RTTN: variants seen among roughly 807,000 people sequenced by gnomAD.
RTTN encodes the protein rotatin.
In RTTN, 182 loss-of-function variants were observed where a neutral mutation model predicts 269.2. That is an observed-to-expected ratio of 0.68 (90% CI 0.60 to 0.76). The LOEUF is 0.76. Among genes scored for constraint, RTTN ranks in the 30% least tolerant of loss-of-function variants. The probability of loss-of-function intolerance (pLI) is 0.00; values close to 1 mark genes in which losing one functional copy is unlikely to be tolerated. For missense variants in RTTN, 2,545 were observed against 2,608.6 expected, an observed-to-expected ratio of 0.98 and a Z score of 0.53; for synonymous variants, 1,006 against 963.5, an observed-to-expected ratio of 1.04 and a Z score of -0.82.
rs1415606278 is a variant in RTTN at position 70,188,126 on chromosome 18, G to C, written c.1287C>G (p.Ser429Arg). ...TTCTTACCATATCTATACCAAAAAG[G>C]CTGCTGTCATCCCAGATATCTGTTG... Reference protein sequence around the residue: ...AISTDIWDDSSLFGIDMKEKL... With the variant: ...AISTDIWDDSRLFGIDMKEKL... Residue 429 changes from serine to arginine, a missense_variant, in exon 10 of 49, where the codon AGC (serine) becomes AGG (arginine). Physicochemically the swap from Ser to Arg is moderately radical, Grantham distance 110. Coordinates refer to ENST00000640769, the MANE Select transcript of RTTN (RefSeq NM_173630.4). 3.1e-6 allele frequency: 5 copies of C among 1,595,880 alleles called. No homozygotes were observed. Among genetic ancestry groups the C allele is most frequent in the Non-Finnish European group, 4.3e-6 (5 of 1,164,024 alleles).
chr18:70,028,003 A>G (rs2056900542), intron 43 of RTTN, among the ~76,000 whole-genome samples: 1 of 152,256 alleles, frequency 6.6e-6, no homozygotes, highest in South Asian at 2.1e-4. Context: ...TCTATATTAA[A>G]GCTTTAATTT....
chr18:70,054,416 C>T, intron 37 of RTTN, 132 bp from the exon 38 acceptor site: 2 of 807,694 alleles, frequency 2.5e-6, no homozygotes, highest in Admixed American at 2.9e-5. Context: ...CTGAAATTAA[C>T]ACATAGCAGA....
chr18:70,147,018 T>G (rs943110240), intron 17 of RTTN, among the ~76,000 whole-genome samples: 10 of 152,198 alleles, frequency 6.6e-5, no homozygotes, highest in Admixed American at 6.5e-4. Flanking sequence ...ACATCTGGGG[T>G]TGTCAGTTGA....
At chr18:70,020,906 A>C in intron 44 of RTTN, 89 bp from the exon 45 acceptor site, 1 of 1,083,380 alleles carries the variant, frequency 9.2e-7, no homozygotes, top group Non-Finnish European at 1.3e-6. Flanking sequence ...TCTGTCTAAC[A>C]AAATGACTAG....
chr18:70,051,270 T>C, intron 39 of RTTN, 141 bp downstream of exon 39: 2 of 985,790 alleles, frequency 2.0e-6, no homozygotes, highest in Non-Finnish European at 2.8e-6. Flanking sequence ...TGCAAATTTT[T>C]CAAAGCAAGC....
chr18:70,175,081 T>C (rs1167083418), intron 11 of RTTN, among the ~76,000 whole-genome samples: 2 of 150,828 alleles, frequency 1.3e-5, no homozygotes, highest in African/African-American at 4.8e-5. Context: ...AAATAACTTT[T>C]ATAGACGCTG....
intron 21 of RTTN, among the ~76,000 whole-genome samples, chr18:70,135,534 T>A (rs2060104462): frequency 2.0e-5 from 3 of 152,138 alleles, no homozygotes; most frequent in Admixed American, 2.0e-4. Context: ...TCTCAGAGGA[T>A]GCAGATGCTG....
intron 28 of RTTN, among the ~76,000 whole-genome samples, chr18:70,104,164 T>C (rs1455256771): frequency 6.6e-6 from 1 of 152,246 alleles, no homozygotes; most frequent in Non-Finnish European, 1.5e-5. Flanking sequence ...TAGTCCCGTA[T>C]TTCTTGGAGG....
intron 27 of RTTN, among the ~76,000 whole-genome samples, chr18:70,112,119 A>G (rs915047194): frequency 6.6e-6 from 1 of 152,206 alleles, no homozygotes; most frequent in Non-Finnish European, 1.5e-5. Context: ...AGATTTTGTC[A>G]CCACCAGGCC....
At chr18:70,004,787 A>T (rs1215080923) in intron 48 of RTTN, among the ~76,000 whole-genome samples, 2 of 152,222 alleles carry the variant, frequency 1.3e-5, no homozygotes, top group Non-Finnish European at 2.9e-5. Context: ...CGTCTCTAGT[A>T]TTGTGACCAC....
chr18:70,101,831 C>T (rs283770), intron 28 of RTTN, among the ~76,000 whole-genome samples: 137,636 of 152,180 alleles, frequency 0.9, 62,996 homozygotes, highest in East Asian at 1. Context: ...CATTTCGTTA[C>T]GTACCCAGTA....
chr18:70,057,131 T>A (rs966877289), intron 37 of RTTN, among the ~76,000 whole-genome samples: 1 of 152,240 alleles, frequency 6.6e-6, no homozygotes, highest in Non-Finnish European at 1.5e-5. Flanking sequence ...GCAAGAGATA[T>A]TGGTCTACTT....
intron 38 of RTTN, 42 bp downstream of exon 38, chr18:70,054,089 G>GTAT: frequency 3.3e-6 from 5 of 1,530,320 alleles, no homozygotes; most frequent in Non-Finnish European, 4.5e-6. Context: ...TTTTTCCTCA[G>GTAT]TATTATTCAC....
At position 70,145,605 on chromosome 18, in the gene RTTN, T is replaced by A. The variant is rs776244228; in HGVS notation, c.2481+7A>T. Reference sequence around the variant, plus strand: ...CACACAGTAATAAACTCAAAATTTATAGTCACCTTAATAACCAGCTCTCTT... The same window carrying A: ...CACACAGTAATAAACTCAAAATTTAAAGTCACCTTAATAACCAGCTCTCTT... On this transcript the variant is annotated splice_region_variant and intron_variant, in intron 18 of 48. Transcript: ENST00000640769. 2 of 1,574,182 alleles carry A rather than the reference T, an allele frequency of 1.3e-6. No homozygotes were observed. Among genetic ancestry groups the A allele is most frequent in the Non-Finnish European group, 1.7e-6 (2 of 1,164,970 alleles).
chr18:70,157,436 C>T (rs1418959197), intron 14 of RTTN, among the ~76,000 whole-genome samples: 1 of 152,104 alleles, frequency 6.6e-6, no homozygotes, highest in Non-Finnish European at 1.5e-5. Context: ...TCCTCAATGG[C>T]ATCAAATAAT....
chr18:70,137,344 T>C (rs919777677), intron 21 of RTTN, among the ~76,000 whole-genome samples: 5 of 152,204 alleles, frequency 3.3e-5, no homozygotes, highest in Admixed American at 6.5e-5. Context: ...AGTTAATTTC[T>C]AACCCTGAAA....
chr18:70,100,450 G>A (rs2059128658), intron 28 of RTTN, among the ~76,000 whole-genome samples: 1 of 152,252 alleles, frequency 6.6e-6, no homozygotes, highest in African/African-American at 2.4e-5. Flanking sequence ...CTTTGCTGAA[G>A]TTGCTTATCA....
intron 11 of RTTN, among the ~76,000 whole-genome samples, chr18:70,174,418 TATA>T (rs1344871422): frequency 6.6e-6 from 1 of 152,140 alleles, no homozygotes; most frequent in East Asian, 1.9e-4. Context: ...CTCGTGAAAC[TATA>T]ATATTTTTAA....
rs529232595 is a variant in RTTN at position 70,203,865 on chromosome 18, G to A, written c.397+221C>T. ...CTGGCCTCATAAAAGCAAAGTCACT[G>A]GCATCGTTTAGGCCTGACCCAAAAA... is the stretch of plus-strand genomic sequence containing the variant. On this transcript the variant is annotated intron_variant, in intron 3 of 48. Transcript: ENST00000640769. 3.3e-5 allele frequency among the ~76,000 whole-genome samples: 5 copies of A among 152,252 alleles called. No individual in the cohort carries two copies. In the South Asian group the frequency reaches 6.2e-4, roughly 19 times the overall value.
Sources: allele counts gnomAD v4.1 joint callset (sites outside exome capture counted in the v4.1 genomes callset), GRCh38; gene constraint gnomAD v4.1.1; transcripts MANE v1.5; gene names NCBI Gene and HGNC (gene_info 2026-07-23, HGNC 2026-07-21).